Variants in REDIC1 observed in about 807,000 individuals in gnomAD.
REDIC1 encodes the protein HEI10 Interacting Protein 1.
the REDIC1 span, among the ~76,000 whole-genome samples, chr12:39,896,465 T>TACATATATGTATATGTGTGTATATGTAC: frequency 7.1e-6 from 1 of 141,450 alleles, no homozygotes; most frequent in East Asian, 2.1e-4. Context: ...TATATATGTA[T>TACATATATGTATATGTGTGTATATGTAC]ACATATATGT....
chr12:39,795,360 A>G, the REDIC1 span, among the ~76,000 whole-genome samples: 1 of 152,140 alleles, frequency 6.6e-6, no homozygotes, highest in Non-Finnish European at 1.5e-5. Context: ...CTTTTCTAGA[A>G]TTTTTATAAT....
chr12:39,801,478 A>G, the REDIC1 span, among the ~76,000 whole-genome samples: 1 of 152,184 alleles, frequency 6.6e-6, no homozygotes, highest in Non-Finnish European at 1.5e-5. Flanking sequence ...GGCTGACCTC[A>G]TGACATAGTC....
At chr12:39,660,086 T>G in the REDIC1 span, among the ~76,000 whole-genome samples, 1 of 152,126 alleles carries the variant, frequency 6.6e-6, no homozygotes, top group Admixed American at 6.6e-5. Flanking sequence ...ATCAAAATTT[T>G]CCCCCCTAGT....
At chr12:39,855,624 T>C in the REDIC1 span, among the ~76,000 whole-genome samples, 14,463 of 152,294 alleles carry the variant, frequency 0.095, 845 homozygotes, top group Admixed American at 0.15. Flanking sequence ...CCCAGCCTAC[T>C]GCAACTTTCA....
chr12:39,693,599 A>G, the REDIC1 span, among the ~76,000 whole-genome samples: 2 of 152,144 alleles, frequency 1.3e-5, no homozygotes, highest in African/African-American at 4.8e-5. Flanking sequence ...AAATATTCCT[A>G]TAGATTCCTC....
chr12:39,868,461 A>C, the REDIC1 span, among the ~76,000 whole-genome samples: 1 of 152,246 alleles, frequency 6.6e-6, no homozygotes, highest in East Asian at 1.9e-4. Flanking sequence ...CTTTGTGTGC[A>C]TAAGTATCAC....
At chr12:39,856,569 G>A in the REDIC1 span, among the ~76,000 whole-genome samples, 6 of 152,058 alleles carry the variant, frequency 3.9e-5, no homozygotes, top group South Asian at 2.1e-4. Context: ...GGGTTTCACC[G>A]TGTTGGCCAG....
chr12:39,678,346 A>G, the REDIC1 span, among the ~76,000 whole-genome samples: 1 of 152,130 alleles, frequency 6.6e-6, no homozygotes, highest in African/African-American at 2.4e-5. Context: ...CAGGAGATTG[A>G]TAAATTCCTA....
the REDIC1 span, among the ~76,000 whole-genome samples, chr12:39,657,158 A>G: frequency 2.0e-5 from 3 of 152,276 alleles, no homozygotes; most frequent in Non-Finnish European, 4.4e-5. Flanking sequence ...TCCTTTGCAG[A>G]TGTGCCTTTA....
chr12:39,835,020 C>T, the REDIC1 span, among the ~76,000 whole-genome samples: 7 of 152,174 alleles, frequency 4.6e-5, no homozygotes, highest in South Asian at 8.3e-4. Context: ...CTTTCTTGAA[C>T]GTGGCCTGAT....
chr12:39,637,066 T>C, the REDIC1 span, among the ~76,000 whole-genome samples: 2,120 of 152,042 alleles, frequency 0.014, 48 homozygotes, highest in African/African-American at 0.047. Flanking sequence ...ACTCCTTTTT[T>C]TCTCCTTTCT....
At chr12:39,896,451 T>G in the REDIC1 span, among the ~76,000 whole-genome samples, 1 of 136,328 alleles carries the variant, frequency 7.3e-6, no homozygotes. Flanking sequence ...TATGTATATG[T>G]GTGTATATAT....
At chr12:39,861,444 T>G in the REDIC1 span, among the ~76,000 whole-genome samples, 3 of 152,190 alleles carry the variant, frequency 2.0e-5, no homozygotes, top group Non-Finnish European at 4.4e-5. Flanking sequence ...CTTTAGGAAA[T>G]ATCTGTCTAC....
the REDIC1 span, among the ~76,000 whole-genome samples, chr12:39,699,242 C>T: frequency 2.0e-3 from 306 of 152,230 alleles, no homozygotes; most frequent in African/African-American, 6.6e-3. Flanking sequence ...AGTGGGTGTG[C>T]GCACCATGCA....
At chr12:39,721,277 T>C in the REDIC1 span, 12 of 1,572,866 alleles carry the variant, frequency 7.6e-6, no homozygotes, top group East Asian at 2.2e-4. Flanking sequence ...ACCTAGGATG[T>C]AGAATTTCAC....
chr12:39,835,351 C>T, the REDIC1 span, among the ~76,000 whole-genome samples: 2 of 152,022 alleles, frequency 1.3e-5, no homozygotes, highest in South Asian at 4.1e-4. Context: ...AGTGTAAAAA[C>T]CTATTAGAAT....
chr12:39,719,813 A>T, the REDIC1 span, among the ~76,000 whole-genome samples: 1 of 152,090 alleles, frequency 6.6e-6, no homozygotes, highest in Non-Finnish European at 1.5e-5. Flanking sequence ...GTTTTGTTAC[A>T]TGACTCAAAT....
chr12:39,702,354 A>G, the REDIC1 span, among the ~76,000 whole-genome samples: 4 of 152,290 alleles, frequency 2.6e-5, no homozygotes, highest in East Asian at 5.8e-4. Flanking sequence ...TAAATTACTC[A>G]ACACATACAC....
chr12:39,867,878 G>A, the REDIC1 span, among the ~76,000 whole-genome samples: 1 of 152,162 alleles, frequency 6.6e-6, no homozygotes, highest in Non-Finnish European at 1.5e-5. Context: ...AAGTGGTTAT[G>A]ATGCCAAGAC....
Sources: gnomAD v4.1 joint callset for allele counts (sites outside exome capture counted in the v4.1 genomes callset) on GRCh38, gnomAD v4.1.1 for gene constraint, MANE v1.5 for transcripts, NCBI Gene and HGNC (gene_info 2026-07-23, HGNC 2026-07-21) for gene names.